UNC5D: variants seen among roughly 807,000 people sequenced by gnomAD.
UNC5D encodes netrin receptor UNC5D.
UNC5D carries 39 observed loss-of-function variants against 105.4 expected under a neutral mutation model. The ratio of observed to expected loss-of-function variants is 0.37; its 90% CI spans 0.29 to 0.48. The LOEUF is 0.48. Ranked by LOEUF, UNC5D falls within the 20% of genes least tolerant of loss-of-function variation. The probability of loss-of-function intolerance (pLI) is 0.98; values close to 1 mark genes in which losing one functional copy is unlikely to be tolerated. For missense variants in UNC5D, 991 were observed against 1,202.4 expected, an observed-to-expected ratio of 0.82 and a Z score of 2.60; for synonymous variants, 452 against 450.4, an observed-to-expected ratio of 1.00 and a Z score of -0.04.
intron 1 of UNC5D, among the ~76,000 whole-genome samples, chr8:35,356,687 GAACTT>G (rs1386071027): frequency 6.6e-6 from 1 of 151,112 alleles, no homozygotes; most frequent in Non-Finnish European, 1.5e-5. Context: ...CTTAAAGGAA[GAACTT>G]AACAGCTTTT....
intron 2 of UNC5D, among the ~76,000 whole-genome samples, chr8:35,555,473 G>A (rs1816474268): frequency 6.6e-6 from 1 of 152,052 alleles, no homozygotes; most frequent in Admixed American, 6.6e-5. Context: ...CTGTCTCAAA[G>A]CCTAAATCCT....
chr8:35,393,603 AC>A (rs1205176578), intron 1 of UNC5D, among the ~76,000 whole-genome samples: 1 of 152,216 alleles, frequency 6.6e-6, no homozygotes, highest in African/African-American at 2.4e-5. Context: ...GCTCTCAGAC[AC>A]ACTGTAGATA....
chr8:35,358,103 C>G (rs1292964152), intron 1 of UNC5D, among the ~76,000 whole-genome samples: 1 of 152,104 alleles, frequency 6.6e-6, no homozygotes, highest in African/African-American at 2.4e-5. Flanking sequence ...GAACAAGTTC[C>G]CTGTTTCCAG....
chr8:35,270,980 C>A (rs1471026492), intron 1 of UNC5D, among the ~76,000 whole-genome samples: 1 of 151,628 alleles, frequency 6.6e-6, no homozygotes, highest in Non-Finnish European at 1.5e-5. Flanking sequence ...GGTCTCCTGC[C>A]ATTTCTCATC....
intron 1 of UNC5D, among the ~76,000 whole-genome samples, chr8:35,507,258 T>C (rs1389507511): frequency 6.6e-6 from 1 of 151,798 alleles, no homozygotes; most frequent in Non-Finnish European, 1.5e-5. Context: ...GGTTTCACCG[T>C]TTTAGCCAGG....
chr8:35,362,890 A>G (rs1422268336), intron 1 of UNC5D, among the ~76,000 whole-genome samples: 2 of 152,128 alleles, frequency 1.3e-5, no homozygotes, highest in Admixed American at 1.3e-4. Context: ...CAAAACCTTA[A>G]TTATAAAAAT....
intron 1 of UNC5D, among the ~76,000 whole-genome samples, chr8:35,515,219 T>C (rs78974512): frequency 0.03 from 4,641 of 152,300 alleles, 116 homozygotes; most frequent in Non-Finnish European, 0.044. Context: ...TTGCCTGAAA[T>C]TATTGTTGTT....
intron 1 of UNC5D, among the ~76,000 whole-genome samples, chr8:35,530,851 T>A (rs1031024937): frequency 1.9e-4 from 27 of 145,280 alleles, no homozygotes; most frequent in African/African-American, 7.3e-4. Flanking sequence ...TTTGTAATAT[T>A]CTCTGATGGT....
intron 1 of UNC5D, among the ~76,000 whole-genome samples, chr8:35,502,783 T>C (rs904512588): frequency 6.6e-6 from 1 of 151,788 alleles, no homozygotes; most frequent in African/African-American, 2.4e-5. Context: ...GCCAGGATGG[T>C]CTCAATCTCC....
intron 1 of UNC5D, among the ~76,000 whole-genome samples, chr8:35,253,730 C>A (rs1172321856): frequency 6.6e-6 from 1 of 151,918 alleles, no homozygotes; most frequent in Non-Finnish European, 1.5e-5. Context: ...ACCTTGTGAT[C>A]CGCCCGCCTC....
At position 35,397,570 on chromosome 8, in the gene UNC5D, A is replaced by T. The variant is rs183840435; in HGVS notation, c.104-151722A>T. On this transcript the variant is annotated intron_variant, in intron 1 of 16. Coordinates refer to ENST00000404895, the MANE Select transcript of UNC5D (RefSeq NM_080872.4). ...CTTGAGAACTCAAGTTGCACTTAAC[A>T]TCATGCATTGAGTAGGTGCTTTTCA... 4.6e-5 allele frequency among the ~76,000 whole-genome samples: 7 copies of T among 152,304 alleles called. No individual in the cohort carries two copies. The East Asian group carries it at 1.2e-3, about 25-fold the overall frequency.
chr8:35,432,124 C>A (rs1343847328), intron 1 of UNC5D, among the ~76,000 whole-genome samples: 1 of 152,010 alleles, frequency 6.6e-6, no homozygotes, highest in South Asian at 2.1e-4. Flanking sequence ...AGCTGTGTGA[C>A]CTTAGGTAAG....
intron 1 of UNC5D, among the ~76,000 whole-genome samples, chr8:35,298,213 C>T (rs1420552116): frequency 6.6e-6 from 1 of 152,160 alleles, no homozygotes; most frequent in African/African-American, 2.4e-5. Context: ...AGAAACACCC[C>T]CATAGTCCCT....
intron 6 of UNC5D, among the ~76,000 whole-genome samples, 174 bp from the exon 7 acceptor site, chr8:35,686,371 C>T (rs1826008856): frequency 1.3e-5 from 2 of 152,074 alleles, no homozygotes; most frequent in South Asian, 4.1e-4. Flanking sequence ...CTTTTGTAAG[C>T]CTGTCTCTTC....
At chr8:35,371,838 G>A (rs1166918938) in intron 1 of UNC5D, among the ~76,000 whole-genome samples, 1 of 151,558 alleles carries the variant, frequency 6.6e-6, no homozygotes, top group African/African-American at 2.4e-5. Context: ...AGGTGTAGAT[G>A]TTTAAAGACA....
chr8:35,566,164 T>C (rs1817322242), intron 2 of UNC5D, among the ~76,000 whole-genome samples: 2 of 152,172 alleles, frequency 1.3e-5, no homozygotes, highest in African/African-American at 4.8e-5. Context: ...TCAAGATGAT[T>C]TTCTGTTACG....
intron 1 of UNC5D, among the ~76,000 whole-genome samples, chr8:35,314,545 C>T (rs945264211): frequency 2.1e-5 from 3 of 145,916 alleles, no homozygotes; most frequent in Non-Finnish European, 4.5e-5. Flanking sequence ...GTTGAAACAA[C>T]TGAATAAAAT....
chr8:35,737,127 T>C (rs1341460337), intron 11 of UNC5D, among the ~76,000 whole-genome samples: 1 of 152,196 alleles, frequency 6.6e-6, no homozygotes, highest in Admixed American at 6.5e-5. Context: ...TAATTTATAG[T>C]TACTCTACTT....
At chr8:35,303,412 T>C (rs954294868) in intron 1 of UNC5D, among the ~76,000 whole-genome samples, 5 of 152,146 alleles carry the variant, frequency 3.3e-5, no homozygotes, top group African/African-American at 1.2e-4. Context: ...TTCAGTAGAA[T>C]ACATGGCTAA....
Sources: gnomAD v4.1 joint callset for allele counts (sites outside exome capture counted in the v4.1 genomes callset) on GRCh38, gnomAD v4.1.1 for gene constraint, MANE v1.5 for transcripts, NCBI Gene and HGNC (gene_info 2026-07-23, HGNC 2026-07-21) for gene names.